The following ADAMTS19 variants were observed in gnomAD, a reference collection of about 807,000 sequenced individuals.
ADAMTS19 encodes the protein A disintegrin and metalloproteinase with thrombospondin motifs 19.
A neutral mutation model predicts 153.3 loss-of-function variants in ADAMTS19; 93 were observed. The ratio of observed to expected loss-of-function variants is 0.61; its 90% CI spans 0.51 to 0.72. The LOEUF is 0.72. Among genes scored for constraint, ADAMTS19 ranks in the 30% least tolerant of loss-of-function variants. ADAMTS19 has a pLI of 0.00. For missense variants in ADAMTS19, 1,482 were observed against 1,552.1 expected, an observed-to-expected ratio of 0.95 and a Z score of 0.76; for synonymous variants, 600 against 556.6, an observed-to-expected ratio of 1.08 and a Z score of -1.10.
intron 11 of ADAMTS19, among the ~76,000 whole-genome samples, chr5:129,647,237 A>C (rs1753106141): frequency 6.7e-6 from 1 of 149,372 alleles, no homozygotes; most frequent in African/African-American, 2.5e-5. Context: ...AAAAAAAAGC[A>C]TAAAGGAAAG....
chr5:129,614,884 C>T (rs1751432040), intron 8 of ADAMTS19, among the ~76,000 whole-genome samples: 1 of 152,018 alleles, frequency 6.6e-6, no homozygotes, highest in African/African-American at 2.4e-5. Flanking sequence ...CATTCTTATA[C>T]ACCAATAACA....
chr5:129,510,878 T>C (rs985448078), intron 3 of ADAMTS19, among the ~76,000 whole-genome samples: 1 of 149,472 alleles, frequency 6.7e-6, no homozygotes, highest in African/African-American at 2.5e-5. Flanking sequence ...TATATATATA[T>C]AGTAGGCATG....
At chr5:129,672,606 C>A (rs1754354799) in intron 16 of ADAMTS19, among the ~76,000 whole-genome samples, 1 of 152,104 alleles carries the variant, frequency 6.6e-6, no homozygotes. Context: ...AGAGAAATTG[C>A]ACCACAAAAG....
chr5:129,581,097 T>C (rs1219826527), intron 7 of ADAMTS19, among the ~76,000 whole-genome samples: 3 of 152,268 alleles, frequency 2.0e-5, no homozygotes, highest in Non-Finnish European at 4.4e-5. Flanking sequence ...TATTAATTAC[T>C]GCCTCAATTT....
intron 16 of ADAMTS19, 33 bp from the exon 17 acceptor site, chr5:129,679,731 T>TC: frequency 6.5e-7 from 1 of 1,536,830 alleles, no homozygotes; most frequent in Non-Finnish European, 8.8e-7. Flanking sequence ...GCTGACTTGT[T>TC]AATACTCATT....
chr5:129,629,880 G>C (rs531283845), intron 10 of ADAMTS19, among the ~76,000 whole-genome samples: 3 of 152,128 alleles, frequency 2.0e-5, no homozygotes, highest in Non-Finnish European at 4.4e-5. Context: ...GGTATGGAAG[G>C]ATTTTTCCCT....
intron 21 of ADAMTS19, 80 bp downstream of exon 21, chr5:129,704,471 G>T (rs964613196): frequency 6.8e-7 from 1 of 1,469,678 alleles, no homozygotes; most frequent in South Asian, 1.4e-5. Context: ...CACATAGCAT[G>T]GAGTTTAGGA....
chr5:129,682,855 A>G (rs947906116), intron 17 of ADAMTS19, among the ~76,000 whole-genome samples: 9 of 152,142 alleles, frequency 5.9e-5, no homozygotes, highest in African/African-American at 1.7e-4. Context: ...ATCAAAATAC[A>G]TCTTAGGCAT....
At chr5:129,638,843 T>A (rs1198847680) in intron 10 of ADAMTS19, among the ~76,000 whole-genome samples, 1 of 152,176 alleles carries the variant, frequency 6.6e-6, no homozygotes, top group Admixed American at 6.5e-5. Context: ...CTATTTGCTA[T>A]AAAGAAAGGC....
At chr5:129,651,929 T>C (rs72792812) in intron 13 of ADAMTS19, among the ~76,000 whole-genome samples, 4,541 of 151,526 alleles carry the variant, frequency 0.03, 101 homozygotes, top group South Asian at 0.086. Flanking sequence ...TAATCCTGTC[T>C]CTACTTCCAA....
chr5:129,705,325 A>C (rs1756094269), intron 21 of ADAMTS19, among the ~76,000 whole-genome samples: 1 of 152,136 alleles, frequency 6.6e-6, no homozygotes, highest in Non-Finnish European at 1.5e-5. Flanking sequence ...AATAACCCTA[A>C]AGGGCTTTCT....
chr5:129,462,127 T>A (rs1330664041), intron 2 of ADAMTS19, among the ~76,000 whole-genome samples: 1 of 152,202 alleles, frequency 6.6e-6, no homozygotes, highest in East Asian at 1.9e-4. Flanking sequence ...AGACAACCAG[T>A]CGGCTCACTG....
In ADAMTS19 at chr5:129,596,684, A is replaced by G. The variant is rs1750395138; in HGVS notation, c.1478+20A>G. On this transcript the variant is annotated intron_variant, in intron 8 of 22. Transcript: ENST00000274487. ...TCACAAGTAAGTAAAAATCATGGCT[A>G]TGTTAAATATGTTAGCATATAACTT... The G allele has an allele frequency of 6.7e-7, 1 of 1,492,688 alleles. No individual in the cohort carries two copies. The highest frequency in any genetic ancestry group is 1.2e-5 in the South Asian group (1 of 85,004). The allele number at this position is 1,492,688 out of a possible 1,614,324, so 92.5% of individuals were successfully genotyped here. A position where few individuals can be genotyped will look rare whatever the true frequency, so the allele number is the denominator to read the frequency against.
intron 2 of ADAMTS19, among the ~76,000 whole-genome samples, chr5:129,471,052 G>T (rs902819876): frequency 3.6e-5 from 4 of 110,826 alleles, no homozygotes; most frequent in Non-Finnish European, 5.0e-5. Flanking sequence ...GTGGTGTGTA[G>T]ATATCAGGAT....
intron 3 of ADAMTS19, among the ~76,000 whole-genome samples, chr5:129,519,084 C>T (rs1751704729): frequency 6.6e-6 from 1 of 152,090 alleles, no homozygotes; most frequent in East Asian, 1.9e-4. Context: ...CACTCTGTGG[C>T]TCTGCTGGTA....
intron 7 of ADAMTS19, among the ~76,000 whole-genome samples, 160 bp from the exon 8 acceptor site, chr5:129,596,399 A>G (rs565030959): frequency 6.6e-6 from 1 of 152,226 alleles, no homozygotes; most frequent in South Asian, 2.1e-4. Context: ...CTATACATAT[A>G]CACTTGCCCC....
intron 6 of ADAMTS19, among the ~76,000 whole-genome samples, chr5:129,545,807 C>T (rs569485545): frequency 6.6e-6 from 1 of 150,466 alleles, no homozygotes; most frequent in Non-Finnish European, 1.5e-5. Context: ...ACTAGTTCAA[C>T]CATTGTGGAA....
intron 6 of ADAMTS19, among the ~76,000 whole-genome samples, chr5:129,545,388 G>A (rs1002047987): frequency 2.0e-5 from 3 of 152,108 alleles, no homozygotes; most frequent in African/African-American, 4.8e-5. Context: ...GTTAAGAGAT[G>A]CAAATACACA....
intron 14 of ADAMTS19, among the ~76,000 whole-genome samples, chr5:129,656,842 C>T (rs912659631): frequency 2.6e-5 from 4 of 152,214 alleles, no homozygotes; most frequent in Non-Finnish European, 4.4e-5. Flanking sequence ...TAACTACCAA[C>T]GTATTTAATA....
Sources: gnomAD v4.1 joint callset for allele counts (sites outside exome capture counted in the v4.1 genomes callset) on GRCh38, gnomAD v4.1.1 for gene constraint, MANE v1.5 for transcripts, NCBI Gene and HGNC (gene_info 2026-07-23, HGNC 2026-07-21) for gene names.